Variants in FER1L5 observed in about 807,000 individuals in gnomAD.
The protein encoded by FER1L5 is fer-1 like family member 5.
FER1L5 carries 187 observed loss-of-function variants against 279.9 expected under a neutral mutation model. That is an observed-to-expected ratio of 0.67 (90% confidence interval 0.59 to 0.75). The LOEUF is 0.75. Ranked by LOEUF, FER1L5 falls within the 30% of genes least tolerant of loss-of-function variation. The probability of loss-of-function intolerance (pLI) is 0.00; values close to 1 mark genes in which losing one functional copy is unlikely to be tolerated. For missense variants in FER1L5, 2,091 were observed against 2,594.4 expected, an observed-to-expected ratio of 0.81 and a Z score of 4.21; for synonymous variants, 921 against 989.7, an observed-to-expected ratio of 0.93 and a Z score of 1.30.
chr2:96,698,230 C>T lies in FER1L5; in HGVS notation c.4356+74C>T. ...TGTCCCTGGAAAACGAATAAAAGCCCTGGCTCTATATGCTCATTGTGAAGA... is the reference window on the plus strand; with the variant it reads ...TGTCCCTGGAAAACGAATAAAAGCCTTGGCTCTATATGCTCATTGTGAAGA... On this transcript the variant is annotated intron_variant, in intron 40 of 52. Coordinates refer to ENST00000624922, the MANE Select transcript of FER1L5 (RefSeq NM_001293083.2). The surrounding 1 kb of genome is among the most constrained non-coding windows in gnomAD (Gnocchi z 5.5). The T allele has an allele frequency of 6.7e-7, 1 of 1,503,462 alleles. No homozygotes were observed. The allele number at this position is 1,503,462 out of a possible 1,614,324, so 93.1% of individuals were successfully genotyped here. A position where few individuals can be genotyped will look rare whatever the true frequency, so the allele number is the denominator to read the frequency against.
intron 4 of FER1L5, among the ~76,000 whole-genome samples, chr2:96,648,441 G>A (rs1479346948): frequency 6.6e-6 from 1 of 152,246 alleles, no homozygotes; most frequent in Non-Finnish European, 1.5e-5. Flanking sequence ...GTGGAAAGAA[G>A]GGAAGGCTGC....
In FER1L5 at chr2:96,698,017, G is replaced by C; in HGVS notation, c.4237-20G>C. 1 of 1,551,828 alleles carries C rather than the reference G, an allele frequency of 6.4e-7. No individual in the cohort carries two copies. Among genetic ancestry groups the C allele is most frequent in the Non-Finnish European group, 8.7e-7 (1 of 1,147,310 alleles). On this transcript the variant is annotated intron_variant, in intron 39 of 52. Coordinates refer to ENST00000624922, the MANE Select transcript of FER1L5 (RefSeq NM_001293083.2). The surrounding 1 kb of genome is among the most constrained non-coding windows in gnomAD (Gnocchi z 5.5). ...CACGGGAACAGTCTCCACCAGCCAGGGTTCCACACACCTCTGCAGGTGTAT... is the reference window on the plus strand; with the variant it reads ...CACGGGAACAGTCTCCACCAGCCAGCGTTCCACACACCTCTGCAGGTGTAT...
At position 96,656,748 on chromosome 2, in the gene FER1L5, C is replaced by CT. The variant is rs749398039; in HGVS notation, c.747+2268dup. On this transcript the variant is annotated intron_variant, in intron 9 of 52. Coordinates refer to ENST00000624922, the MANE Select transcript of FER1L5 (RefSeq NM_001293083.2). ...GGTCCTCTCTGCTCCCCCACTTCCTCTTTTTTTTTTTTTTTTAATTTGCAA... is the reference window on the plus strand; with the variant it reads ...GGTCCTCTCTGCTCCCCCACTTCCTCTTTTTTTTTTTTTTTTTAATTTGCAA... Among the ~76,000 whole-genome samples the CT allele has an allele frequency of 4.5e-3, 630 of 140,674 alleles. 6 individuals are homozygous for CT. Among genetic ancestry groups the CT allele is most frequent in the East Asian group, 0.01 (50 of 4,912 alleles). 92.3% of individuals were successfully genotyped at this position (140,674 alleles called of 152,430 possible). A position where few individuals can be genotyped will look rare whatever the true frequency, so the allele number is the denominator to read the frequency against.
At position 96,687,705 on chromosome 2, in the gene FER1L5, C is replaced by T; in HGVS notation, c.2230-111C>T. 5.4e-6 allele frequency: 8 copies of T among 1,478,816 alleles called. No homozygotes were observed. The South Asian group carries it at 1.1e-4, about 20-fold the overall frequency. The allele number at this position is 1,478,816 out of a possible 1,614,324, so 91.6% of individuals were successfully genotyped here. A position where few individuals can be genotyped will look rare whatever the true frequency, so the allele number is the denominator to read the frequency against. On this transcript the variant is annotated intron_variant, in intron 23 of 52. Transcript: ENST00000624922. Reference sequence around the variant, plus strand: ...TCCAGCACTCAGCTCAGTGAGGGCCCCGCTCCCAGGGCTCAGGGGGGAAGG... The same window carrying T: ...TCCAGCACTCAGCTCAGTGAGGGCCTCGCTCCCAGGGCTCAGGGGGGAAGG...
chr2:96,652,881 T>A (rs955746623), intron 7 of FER1L5: 3 of 152,252 alleles, frequency 2.0e-5, no homozygotes, highest in African/African-American at 7.2e-5. Flanking sequence ...GGGCCCTGAG[T>A]TCTCCAGGAA....
chr2:96,698,184 CCT>C lies in FER1L5; in HGVS notation c.4356+29_4356+30del, dbSNP rs748266571. 86 of 1,546,720 alleles carry C rather than the reference CCT, an allele frequency of 5.6e-5. No individual in the cohort carries two copies. In the East Asian group the frequency reaches 9.3e-4, roughly 17 times the overall value. ...GTGTGTCCACCCCAGCTTAGCTGCC[CCT>C]GTCTCCTTGTGCACCTTCTGTCCCT... is the stretch of plus-strand genomic sequence containing the variant. On this transcript the variant is annotated intron_variant, in intron 40 of 52. Coordinates refer to ENST00000624922, the MANE Select transcript of FER1L5 (RefSeq NM_001293083.2). This position sits in a 1 kb window ranked among gnomAD's most constrained non-coding sequence, Gnocchi z 5.5.
chr2:96,651,052 C>G (rs1285447547), intron 6 of FER1L5, among the ~76,000 whole-genome samples: 1 of 152,206 alleles, frequency 6.6e-6, no homozygotes, highest in East Asian at 1.9e-4. Flanking sequence ...CTTATCATGC[C>G]AAGCACCTTC....
chr2:96,658,293 T>A (rs1305792305), intron 9 of FER1L5, among the ~76,000 whole-genome samples: 2 of 149,298 alleles, frequency 1.3e-5, no homozygotes, highest in East Asian at 2.0e-4. Context: ...TGGGATTACA[T>A]GCGTGAGCCA....
In FER1L5 at chr2:96,700,094, A is replaced by T; in HGVS notation, c.4930+14A>T. ...TGCAAAGCTTTGGTGAGCAGCGCAG[A>T]ACACTAGCAGAAAGCACAGACACAG... On this transcript the variant is annotated intron_variant, in intron 44 of 52. Transcript: ENST00000624922. 1 of 1,613,594 alleles carries T rather than the reference A, an allele frequency of 6.2e-7. No homozygotes were observed. The highest frequency in any genetic ancestry group is 8.5e-7 in the Non-Finnish European group (1 of 1,179,814).
At chr2:96,688,515 C>T (rs536732820) in intron 24 of FER1L5, among the ~76,000 whole-genome samples, 29 of 152,156 alleles carry the variant, frequency 1.9e-4, no homozygotes, top group Admixed American at 1.9e-3. Flanking sequence ...GGGGAGATGT[C>T]CTTGGCTCCC....
chr2:96,699,128 C>A lies in FER1L5; in HGVS notation c.4602C>A (p.Ile1534=), dbSNP rs376952364. Residue 1534 remains isoleucine (I), a synonymous_variant, in exon 42 of 53, where the codon ATC becomes ATA. Coordinates refer to ENST00000624922, the MANE Select transcript of FER1L5 (RefSeq NM_001293083.2). ...ACCAGCCCAACACTCTGGATCCCAT[C>A]TTTGGCATGTGAGCTGCCCCAACCC... The part of the protein sequence containing the change: ...DMYQPNTLDP[I]FGMMFELTCN... 1.2e-4 allele frequency: 201 copies of A among 1,608,640 alleles called. No individual in the cohort carries two copies. The highest frequency in any genetic ancestry group is 8.4e-5 in the Admixed American group (5 of 59,172).
Position 96,691,846 on chromosome 2 carries a change from G to T in FER1L5, c.3097G>T (p.Ala1033Ser). Residue 1033 changes from alanine (A) to serine (S), a missense_variant, in exon 30 of 53, where the codon GCT (alanine) becomes TCT (serine). Ala to Ser is a moderately conservative substitution (Grantham distance 99). Coordinates refer to ENST00000624922, the MANE Select transcript of FER1L5 (RefSeq NM_001293083.2). The surrounding 1 kb of genome is among the most constrained non-coding windows in gnomAD (Gnocchi z 6.0). ...ACAGGCTATGGATCTGAAATACCAC[G>T]CTGGGAAGGAAGAGGACAGCAAGAC... ...GSLAMDLKYH[A>S]GKEEDSKTWP... 6.4e-7 allele frequency: 1 copy of T among 1,551,598 alleles called. No homozygotes were observed. The highest frequency in any genetic ancestry group is 8.7e-7 in the Non-Finnish European group (1 of 1,146,982).
rs376166026 is a variant in FER1L5 at position 96,691,728 on chromosome 2, C to T, written c.3076-97C>T. 2.7e-4 allele frequency: 424 copies of T among 1,549,800 alleles called. No individual in the cohort carries two copies. The highest frequency in any genetic ancestry group is 3.6e-4 in the Non-Finnish European group (409 of 1,146,168). ...GAAGGGCCTCTGTTCCTCAGGCTTG[C>T]GAGGGTGGCAGTGTGAGGGAGGAGG... On this transcript the variant is annotated intron_variant, in intron 29 of 52. Coordinates refer to ENST00000624922, the MANE Select transcript of FER1L5 (RefSeq NM_001293083.2). This position sits in a 1 kb window ranked among gnomAD's most constrained non-coding sequence, Gnocchi z 6.0.
Position 96,691,366 on chromosome 2 carries a change from C to G in FER1L5, c.2907+13C>G, listed in dbSNP as rs368380176. The G allele has an allele frequency of 6.5e-7, 1 of 1,546,132 alleles. No individual in the cohort carries two copies. The highest frequency in any genetic ancestry group is 1.2e-5 in the South Asian group (1 of 83,712). On this transcript the variant is annotated intron_variant, in intron 28 of 52. Coordinates refer to ENST00000624922, the MANE Select transcript of FER1L5 (RefSeq NM_001293083.2). This position sits in a 1 kb window ranked among gnomAD's most constrained non-coding sequence, Gnocchi z 6.0. ...CTTCCTGCAGCTGGTGAGGGGTCGA[C>G]GGGCGCCCTGGCTGGGACTGCGGGC...
At chr2:96,685,455 C>G (rs1356632405) in intron 21 of FER1L5, 26 bp downstream of exon 21, 1 of 1,535,840 alleles carries the variant, frequency 6.5e-7, no homozygotes, top group Non-Finnish European at 8.8e-7. Flanking sequence ...CTCCGGGATA[C>G]AGCTGGCCTG....
intron 6 of FER1L5, among the ~76,000 whole-genome samples, chr2:96,650,697 T>A (rs2075323217): frequency 6.6e-6 from 1 of 152,188 alleles, no homozygotes; most frequent in East Asian, 1.9e-4. Flanking sequence ...GGTCCACATT[T>A]CCATGTGAAT....
chr2:96,703,900 C>CT (rs1176945066), intron 51 of FER1L5, among the ~76,000 whole-genome samples: 1 of 146,954 alleles, frequency 6.8e-6, no homozygotes, highest in African/African-American at 2.5e-5. Flanking sequence ...ACTGCAACCT[C>CT]TGCCTCCTGG....
At position 96,663,499 on chromosome 2, in the gene FER1L5, C is replaced by G; in HGVS notation, c.1132C>G (p.Arg378Gly). ...NPIWNQILTFRIQLPCLSSYI... is the reference protein window; with the variant it reads ...NPIWNQILTFGIQLPCLSSYI... ...GATATGGAACCAGATCCTGACCTTC[C>G]GGATTCAGGTATGGCTCCTCCATCA... The change falls in exon 14 of 53, where the codon CGG (arginine) becomes GGG (glycine). Residue 378 changes from arginine (R) to glycine (G), a missense_variant. Coordinates refer to ENST00000624922, the MANE Select transcript of FER1L5 (RefSeq NM_001293083.2). 6.4e-7 allele frequency: 1 copy of G among 1,551,528 alleles called. No individual in the cohort carries two copies. The highest frequency in any genetic ancestry group is 8.7e-7 in the Non-Finnish European group (1 of 1,146,924).
At chr2:96,661,086 G>A (rs2075937140) in intron 10 of FER1L5, among the ~76,000 whole-genome samples, 1 of 152,186 alleles carries the variant, frequency 6.6e-6, no homozygotes, top group Non-Finnish European at 1.5e-5. Context: ...AGTGAGAACA[G>A]TAGGTTCCCA....
Sources: gnomAD v4.1 joint callset for allele counts (sites outside exome capture counted in the v4.1 genomes callset) on GRCh38, gnomAD v4.1.1 for gene constraint, Gnocchi (gnomAD v3.1) non-coding constraint, MANE v1.5 for transcripts, NCBI Gene and HGNC (gene_info 2026-07-23, HGNC 2026-07-21) for gene names.